Variants in MAD1L1 observed in about 807,000 individuals in gnomAD.
The protein encoded by MAD1L1 is mitotic spindle assembly checkpoint protein MAD1.
Under a neutral mutation model 96.9 loss-of-function variants are expected in MAD1L1, and 95 were observed. The ratio of observed to expected loss-of-function variants is 0.98; its 90% confidence interval spans 0.83 to 1.16. MAD1L1 has a LOEUF of 1.16. MAD1L1 is among the 50% of genes most tolerant of loss of function. MAD1L1 has a pLI of 0.00. For missense variants in MAD1L1, 1,007 were observed against 954.4 expected (o/e 1.06, Z -0.73); for synonymous variants, 473 against 396.6 (o/e 1.19, Z -2.29).
chr7:2,184,920 C>T (rs1791387111), intron 10 of MAD1L1, among the ~76,000 whole-genome samples: 1 of 152,036 alleles, frequency 6.6e-6, no homozygotes, highest in Non-Finnish European at 1.5e-5. Flanking sequence ...GAGACTCACT[C>T]GAACCCAGGA....
chr7:2,025,720 C>T (rs557781686), intron 12 of MAD1L1, among the ~76,000 whole-genome samples: 62 of 152,196 alleles, frequency 4.1e-4, no homozygotes, highest in African/African-American at 1.4e-3. Flanking sequence ...CAATAGCCTA[C>T]GAATGGAGCA....
chr7:2,109,266 C>A (rs1787254550), intron 11 of MAD1L1, among the ~76,000 whole-genome samples: 1 of 152,224 alleles, frequency 6.6e-6, no homozygotes, highest in Admixed American at 6.5e-5. Context: ...TTCTTCAGGC[C>A]ACATGGATAG....
intron 13 of MAD1L1, among the ~76,000 whole-genome samples, chr7:2,014,179 A>C (rs926032248): frequency 5.3e-5 from 8 of 152,154 alleles, no homozygotes; most frequent in African/African-American, 1.7e-4. Flanking sequence ...CTCACAGGGG[A>C]AGGACCTTGA....
chr7:2,132,009 G>T (rs1788532291), intron 11 of MAD1L1, among the ~76,000 whole-genome samples: 1 of 152,192 alleles, frequency 6.6e-6, no homozygotes, highest in South Asian at 2.1e-4. Context: ...GCTGCCTCCT[G>T]ACGCTCAGCG....
intron 14 of MAD1L1, among the ~76,000 whole-genome samples, chr7:1,983,474 T>C (rs1306834501): frequency 6.6e-6 from 1 of 152,216 alleles, no homozygotes; most frequent in Non-Finnish European, 1.5e-5. Flanking sequence ...TAGGTAACAT[T>C]TCCCTAAAAC....
intron 11 of MAD1L1, among the ~76,000 whole-genome samples, chr7:2,132,237 A>G (rs894908354): frequency 1.3e-5 from 2 of 152,218 alleles, no homozygotes; most frequent in African/African-American, 2.4e-5. Flanking sequence ...TTCAGCCCCC[A>G]GGCAGATTCC....
At chr7:2,208,541 T>A (rs1399570665) in intron 10 of MAD1L1, among the ~76,000 whole-genome samples, 3 of 152,200 alleles carry the variant, frequency 2.0e-5, no homozygotes, top group Admixed American at 1.3e-4. Flanking sequence ...AGGTATCATT[T>A]AGCTGGTTGA....
At chr7:1,907,598 C>T (rs545556379) in intron 17 of MAD1L1, among the ~76,000 whole-genome samples, 2 of 152,356 alleles carry the variant, frequency 1.3e-5, no homozygotes, top group Admixed American at 6.5e-5. Flanking sequence ...ATTCCAGGCT[C>T]CATACACTGC....
chr7:2,176,448 G>A lies in MAD1L1; in HGVS notation c.987-27210C>T, dbSNP rs551408008. On this transcript the variant is annotated intron_variant, in intron 10 of 18. Coordinates refer to ENST00000265854, the MANE Select transcript of MAD1L1 (RefSeq NM_001013836.2). ...GCTACCACCACTGCTATTTCACGTC[G>A]TACCAGAGGTCCCGGCCAATGTAAT... Among the ~76,000 whole-genome samples, 7 of 152,162 alleles carry A rather than the reference G, an allele frequency of 4.6e-5. 1 individual carries two copies. Among genetic ancestry groups the A allele is most frequent in the Admixed American group, 1.3e-4 (2 of 15,270 alleles).
At chr7:2,202,492 A>T (rs1002077848) in intron 10 of MAD1L1, among the ~76,000 whole-genome samples, 1 of 152,180 alleles carries the variant, frequency 6.6e-6, no homozygotes, top group Non-Finnish European at 1.5e-5. Flanking sequence ...GCTCCACAAG[A>T]GCAGCTCATG....
intron 18 of MAD1L1, among the ~76,000 whole-genome samples, chr7:1,875,034 G>A (rs1317311887): frequency 6.6e-6 from 1 of 152,146 alleles, no homozygotes; most frequent in Admixed American, 6.5e-5. Flanking sequence ...AGGCTGGGCA[G>A]GTACAATCAG....
intron 17 of MAD1L1, among the ~76,000 whole-genome samples, chr7:1,932,094 G>C (rs1283947116): frequency 6.6e-6 from 1 of 152,250 alleles, no homozygotes; most frequent in African/African-American, 2.4e-5. Context: ...CAACGCACCA[G>C]GTTCTGTCCT....
At chr7:2,121,184 A>T (rs1368978154) in intron 11 of MAD1L1, among the ~76,000 whole-genome samples, 2 of 152,226 alleles carry the variant, frequency 1.3e-5, no homozygotes, top group African/African-American at 4.8e-5. Flanking sequence ...CTGAGGCCTC[A>T]CGATCTGAGT....
At chr7:2,210,784 C>T (rs886428490) in intron 10 of MAD1L1, among the ~76,000 whole-genome samples, 2 of 152,244 alleles carry the variant, frequency 1.3e-5, no homozygotes, top group Non-Finnish European at 2.9e-5. Flanking sequence ...CCAAGGCCAA[C>T]GCAGGAGACT....
chr7:1,992,274 T>C (rs527416184), intron 14 of MAD1L1, among the ~76,000 whole-genome samples: 29 of 152,346 alleles, frequency 1.9e-4, no homozygotes, highest in African/African-American at 5.8e-4. Context: ...CGGAGGAGCG[T>C]TGGGAAGCCA....
At chr7:1,969,485 T>C (rs1016106631) in intron 15 of MAD1L1, among the ~76,000 whole-genome samples, 10 of 152,216 alleles carry the variant, frequency 6.6e-5, no homozygotes, top group African/African-American at 2.4e-4. Context: ...AAGACAAGAA[T>C]GTCTGCTTTT....
chr7:1,882,800 G>A (rs1284862780), intron 18 of MAD1L1, among the ~76,000 whole-genome samples: 1 of 152,216 alleles, frequency 6.6e-6, no homozygotes, highest in Non-Finnish European at 1.5e-5. Context: ...CATCACCAGG[G>A]CGGCCGTGAC....
At chr7:1,961,777 A>G (rs111933375) in intron 15 of MAD1L1, among the ~76,000 whole-genome samples, 2,534 of 151,128 alleles carry the variant, frequency 0.017, 82 homozygotes, top group African/African-American at 0.059. Context: ...ATCAGAGGGC[A>G]GTTTCCCCCA....
At chr7:2,202,625 C>G (rs578239865) in intron 10 of MAD1L1, among the ~76,000 whole-genome samples, 1 of 152,240 alleles carries the variant, frequency 6.6e-6, no homozygotes, top group Admixed American at 6.5e-5. Flanking sequence ...TCTCCCCCTC[C>G]TCCTCCCATG....
Sources: gnomAD v4.1 joint callset for allele counts (sites outside exome capture counted in the v4.1 genomes callset) on GRCh38, gnomAD v4.1.1 for gene constraint, MANE v1.5 for transcripts, NCBI Gene and HGNC (gene_info 2026-07-23, HGNC 2026-07-21) for gene names.